Variants in CPQ observed in about 807,000 individuals in gnomAD.
CPQ encodes carboxypeptidase Q.
CPQ carries 37 observed loss-of-function variants against 45.7 expected under a neutral mutation model. The observed-to-expected ratio is 0.81, with a 90% CI of 0.62 to 1.07. CPQ has a LOEUF of 1.07. CPQ is among the 50% of genes least tolerant of loss of function. The pLI, the probability that CPQ is intolerant of heterozygous loss-of-function variation, is 0.00. For synonymous variants in CPQ, 186 were observed against 205.8 expected, an observed-to-expected ratio of 0.90 and a Z score of 0.82; for missense variants, 537 against 572.9, an observed-to-expected ratio of 0.94 and a Z score of 0.64.
intron 4 of CPQ, among the ~76,000 whole-genome samples, chr8:96,941,506 G>A (rs1332379243): frequency 1.3e-5 from 2 of 152,074 alleles, no homozygotes; most frequent in East Asian, 3.9e-4. Flanking sequence ...GTAGGCTCCT[G>A]TCCAAAGCAT....
chr8:96,795,125 A>C (rs1183281715), intron 2 of CPQ, among the ~76,000 whole-genome samples: 1 of 152,138 alleles, frequency 6.6e-6, no homozygotes, highest in Admixed American at 6.5e-5. Flanking sequence ...TTACTGTATT[A>C]GTCCATTTTT....
intron 5 of CPQ, among the ~76,000 whole-genome samples, chr8:97,002,669 T>C (rs1398235298): frequency 6.6e-6 from 1 of 152,134 alleles, no homozygotes; most frequent in Non-Finnish European, 1.5e-5. Context: ...AGGAGTGTTT[T>C]ACTTTATGTG....
chr8:97,118,845 A>T (rs923654457), intron 7 of CPQ, among the ~76,000 whole-genome samples: 1 of 152,178 alleles, frequency 6.6e-6, no homozygotes, highest in South Asian at 2.1e-4. Context: ...AAACATGTAC[A>T]TATATAGCAT....
chr8:96,850,291 A>C (rs1247918598), intron 3 of CPQ, among the ~76,000 whole-genome samples: 1 of 152,100 alleles, frequency 6.6e-6, no homozygotes. Context: ...GGAAGGGCCT[A>C]TATGTGTTAG....
intron 4 of CPQ, among the ~76,000 whole-genome samples, chr8:96,953,579 T>C (rs2853254): frequency 0.5 from 75,611 of 151,590 alleles, 20,962 homozygotes; most frequent in African/African-American, 0.77. Flanking sequence ...TTCTGACCAC[T>C]GTCTCTTTTC....
At chr8:96,724,228 C>T (rs989495215) in intron 1 of CPQ, among the ~76,000 whole-genome samples, 1 of 151,894 alleles carries the variant, frequency 6.6e-6, no homozygotes. Context: ...TTTTAAAATT[C>T]AGTATTATAC....
intron 7 of CPQ, among the ~76,000 whole-genome samples, chr8:97,128,645 G>A (rs368413072): frequency 1.3e-5 from 2 of 152,190 alleles, no homozygotes; most frequent in East Asian, 1.9e-4. Context: ...AGATGGTGCC[G>A]TTGCACTCCA....
chr8:96,867,893 C>CT, intron 3 of CPQ, among the ~76,000 whole-genome samples: 1 of 152,042 alleles, frequency 6.6e-6, no homozygotes, highest in African/African-American at 2.4e-5. Flanking sequence ...TTTGTCTTCA[C>CT]TGAGTCACTC....
chr8:97,127,992 T>C (rs752821433), intron 7 of CPQ, among the ~76,000 whole-genome samples: 6 of 152,186 alleles, frequency 3.9e-5, no homozygotes, highest in Non-Finnish European at 5.9e-5. Context: ...GATGGAAATG[T>C]TCTGTGTCTT....
At chr8:96,902,716 T>G (rs887022014) in intron 4 of CPQ, among the ~76,000 whole-genome samples, 5 of 152,142 alleles carry the variant, frequency 3.3e-5, no homozygotes, top group African/African-American at 1.2e-4. Flanking sequence ...ACTTCAGGAC[T>G]TGGATGAGAT....
At chr8:97,088,090 T>C (rs1437319801) in intron 7 of CPQ, among the ~76,000 whole-genome samples, 1 of 152,188 alleles carries the variant, frequency 6.6e-6, no homozygotes, top group Non-Finnish European at 1.5e-5. Flanking sequence ...CATAGTATGT[T>C]GTCAAAAAAG....
chr8:96,961,018 G>T (rs1425113988), intron 4 of CPQ, among the ~76,000 whole-genome samples: 2 of 152,002 alleles, frequency 1.3e-5, no homozygotes, highest in Non-Finnish European at 2.9e-5. Flanking sequence ...TGACCGTTTT[G>T]GTCCATGTCT....
intron 1 of CPQ, among the ~76,000 whole-genome samples, chr8:96,669,860 A>G (rs1808978270): frequency 6.6e-6 from 1 of 152,204 alleles, no homozygotes; most frequent in Non-Finnish European, 1.5e-5. Flanking sequence ...GTGAATGCTG[A>G]ATTTGTAAAT....
chr8:96,651,272 C>A (rs924428777), intron 1 of CPQ, among the ~76,000 whole-genome samples: 4 of 152,126 alleles, frequency 2.6e-5, no homozygotes, highest in African/African-American at 9.7e-5. Flanking sequence ...ACAGTTAGAC[C>A]ACAAGAAAGT....
intron 2 of CPQ, among the ~76,000 whole-genome samples, chr8:96,793,808 G>C (rs556988429): frequency 6.6e-6 from 1 of 152,306 alleles, no homozygotes; most frequent in South Asian, 2.1e-4. Context: ...CCTTGTGGGA[G>C]AAATTGGCCA....
chr8:97,083,297 G>T (rs1810986039), intron 7 of CPQ, among the ~76,000 whole-genome samples: 1 of 152,070 alleles, frequency 6.6e-6, no homozygotes, highest in Non-Finnish European at 1.5e-5. Flanking sequence ...CATGTATTTG[G>T]ACCCAGTAGA....
At chr8:96,913,606 A>C (rs1332149766) in intron 4 of CPQ, among the ~76,000 whole-genome samples, 1 of 152,186 alleles carries the variant, frequency 6.6e-6, no homozygotes, top group Non-Finnish European at 1.5e-5. Context: ...CCTTCTAGCC[A>C]AGGCTCCAAG....
At chr8:96,794,982 A>G (rs1007893431) in intron 2 of CPQ, among the ~76,000 whole-genome samples, 1 of 152,148 alleles carries the variant, frequency 6.6e-6, no homozygotes, top group Non-Finnish European at 1.5e-5. Flanking sequence ...AGGGAGTTCC[A>G]CACTTTCCCA....
In CPQ at chr8:96,653,411, G is replaced by A. The variant is rs146423163; in HGVS notation, c.-35+8009G>A. The stretch of plus-strand genomic sequence containing the variant: ...GGCTCTTTGTCCATTTTTTAATCAG[G>A]TTGCTTGTTTTCTTGCTATTGAGTT... On this transcript the variant is annotated intron_variant, in intron 1 of 7. Coordinates refer to ENST00000220763, the MANE Select transcript of CPQ (RefSeq NM_016134.4). Among the ~76,000 whole-genome samples the A allele has an allele frequency of 9.8e-3, 1,496 of 152,154 alleles. 20 individuals carry two copies. Among genetic ancestry groups the A allele is most frequent in the African/African-American group, 0.034 (1,407 of 41,492 alleles).
Sources: allele counts gnomAD v4.1 joint callset (sites outside exome capture counted in the v4.1 genomes callset), GRCh38; gene constraint gnomAD v4.1.1; transcripts MANE v1.5; gene names NCBI Gene and HGNC (gene_info 2026-07-23, HGNC 2026-07-21).